The following VPS13A variants were observed in gnomAD, a reference collection of about 807,000 sequenced individuals.
VPS13A encodes the protein vacuolar protein sorting 13 homolog A, also known as intermembrane lipid transfer protein VPS13A.
Under a neutral mutation model 390.9 loss-of-function variants are expected in VPS13A, and 264 were observed. The ratio of observed to expected loss-of-function variants is 0.68; its 90% CI spans 0.61 to 0.75. VPS13A has a LOEUF of 0.75. Ranked by LOEUF, VPS13A falls within the 30% of genes least tolerant of loss-of-function variation. VPS13A has a pLI of 0.00. For synonymous variants in VPS13A, 1,231 were observed against 1,227.1 expected (o/e 1.00, Z -0.07); for missense variants, 3,409 against 3,733.9 (o/e 0.91, Z 2.27).
chr9:77,373,310 A>G (rs1052642864), intron 67 of VPS13A, among the ~76,000 whole-genome samples: 1 of 147,966 alleles, frequency 6.8e-6, no homozygotes, highest in South Asian at 2.3e-4. Context: ...GGAACAGAAC[A>G]GAGCCCTCAG....
At chr9:77,219,294 T>A (rs1456162671) in intron 10 of VPS13A, among the ~76,000 whole-genome samples, 1 of 152,200 alleles carries the variant, frequency 6.6e-6, no homozygotes, top group Non-Finnish European at 1.5e-5. Flanking sequence ...TATCAATGAT[T>A]AAAATAAAAG....
chr9:77,183,629 C>T (rs1824155909), intron 1 of VPS13A, among the ~76,000 whole-genome samples: 1 of 152,170 alleles, frequency 6.6e-6, no homozygotes, highest in Non-Finnish European at 1.5e-5. Flanking sequence ...TAATATGTCT[C>T]CTGGGGATGT....
chr9:77,250,055 G>C (rs1344267627), intron 20 of VPS13A, 42 bp from the exon 21 acceptor site: 1 of 1,604,300 alleles, frequency 6.2e-7, no homozygotes, highest in Non-Finnish European at 8.5e-7. Context: ...CTTACATTTT[G>C]AAGTATTTTG....
intron 50 of VPS13A, among the ~76,000 whole-genome samples, chr9:77,341,691 C>CTTTTTTTTTCTTTTTTTTTT: frequency 2.6e-5 from 1 of 37,822 alleles, no homozygotes; most frequent in Non-Finnish European, 4.6e-5. Flanking sequence ...GACATCTTTC[C>CTTTTTTTTTCTTTTTTTTTT]TTTTTTTTTT....
In VPS13A at chr9:77,356,808, G is replaced by A. The variant is rs1831809635; in HGVS notation, c.7747G>A (p.Glu2583Lys). The A allele has an allele frequency of 6.2e-7, 1 of 1,613,696 alleles. No individual in the cohort carries two copies. The highest frequency in any genetic ancestry group is 1.3e-5 in the African/African-American group (1 of 74,868). ...TGAGAAGTTAGAGAGAGAATTTAAG[G>A]AATATACTGAATCTTCTCCTTCAGA... ...HTEKLEREFK[E>K]YTESSPSEDK... Residue 2583 changes from glutamate to lysine, a missense_variant, in exon 55 of 72, where the codon GAA becomes AAA. Glu to Lys is a moderately conservative substitution (Grantham distance 56). Around this residue, in one of 5 missense-constraint regions of VPS13A, gnomAD observed 221 missense variants for 300.7 expected, o/e 0.73. Transcript: ENST00000360280.
At chr9:77,242,788 ACCAAACAGTAAATATC>A (rs1380419719) in intron 19 of VPS13A, among the ~76,000 whole-genome samples, 2 of 151,986 alleles carry the variant, frequency 1.3e-5, no homozygotes, top group Non-Finnish European at 2.9e-5. Context: ...TAAAAAAATT[ACCAAACAGTAAATATC>A]CACAATATAA....
intron 49 of VPS13A, 33 bp from the exon 50 acceptor site, chr9:77,340,371 A>G (rs765979566): frequency 5.5e-5 from 88 of 1,608,182 alleles, no homozygotes; most frequent in Non-Finnish European, 7.2e-5. Context: ...GTTATACATA[A>G]CAGTTTTTGA....
chr9:77,209,186 T>C (rs1825838655), intron 5 of VPS13A, among the ~76,000 whole-genome samples: 1 of 152,212 alleles, frequency 6.6e-6, no homozygotes, highest in Non-Finnish European at 1.5e-5. Flanking sequence ...ACAGAAATTA[T>C]AAAATTTAAT....
intron 67 of VPS13A, among the ~76,000 whole-genome samples, chr9:77,371,503 A>T (rs547740550): frequency 3.3e-5 from 5 of 152,250 alleles, no homozygotes; most frequent in South Asian, 4.2e-4. Context: ...ATGGGGGCAG[A>T]TCCTCATGGC....
chr9:77,319,036 A>T (rs1377769448), intron 41 of VPS13A, among the ~76,000 whole-genome samples: 3 of 151,974 alleles, frequency 2.0e-5, no homozygotes, highest in African/African-American at 7.2e-5. Context: ...TACTAAAAAT[A>T]CAAAAAATTA....
chr9:77,304,942 CTT>C (rs577555061), intron 34 of VPS13A, among the ~76,000 whole-genome samples: 22 of 141,674 alleles, frequency 1.6e-4, no homozygotes, highest in Non-Finnish European at 1.7e-4. Context: ...GACTTTTTTT[CTT>C]TTTTTTTTTT....
At chr9:77,392,033 C>T (rs1420034417) in intron 68 of VPS13A, among the ~76,000 whole-genome samples, 1 of 152,070 alleles carries the variant, frequency 6.6e-6, no homozygotes, top group African/African-American at 2.4e-5. Context: ...GGTGATGGGG[C>T]ATAAAACACA....
At chr9:77,382,448 T>G in intron 68 of VPS13A, 1 of 1,391,180 alleles carries the variant, frequency 7.2e-7, no homozygotes, top group South Asian at 1.9e-5. Context: ...GAATCTGGTT[T>G]TTTTATAGGG....
chr9:77,378,835 C>T (rs112327666), intron 67 of VPS13A, among the ~76,000 whole-genome samples: 2,170 of 151,944 alleles, frequency 0.014, 37 homozygotes, highest in African/African-American at 0.037. Context: ...CTATAAATTT[C>T]CCTCTGAGCA....
At position 77,370,318 on chromosome 9, in the gene VPS13A, T is replaced by C. The variant is rs941512536; in HGVS notation, c.8729T>C (p.Val2910Ala). The stretch of plus-strand genomic sequence containing the variant: ...ATGGCACTAGGACTTAAGGCACTAG[T>C]TGGTGGAGCTGTTGGTAAGAAACAG... Reference protein sequence around the residue: ...EGMALGLKALVGGAVGGLAGA... With the variant: ...EGMALGLKALAGGAVGGLAGA... The change falls in exon 64 of 72, where the codon GTT becomes GCT. Residue 2910 changes from valine (V) to alanine (A), a missense_variant. By Grantham distance (64) the Val-to-Ala change is moderately conservative. Coordinates refer to ENST00000360280, the MANE Select transcript of VPS13A (RefSeq NM_033305.3). 1.9e-6 allele frequency: 3 copies of C among 1,613,974 alleles called. No homozygotes were observed. Among genetic ancestry groups the C allele is most frequent in the Non-Finnish European group, 2.5e-6 (3 of 1,180,010 alleles).
intron 68 of VPS13A, among the ~76,000 whole-genome samples, chr9:77,396,332 T>G (rs749992246): frequency 3.3e-5 from 5 of 152,216 alleles, no homozygotes; most frequent in Non-Finnish European, 7.4e-5. Context: ...GCTGTCAGTA[T>G]AGCCTATACC....
chr9:77,318,929 CA>C (rs907152714), intron 41 of VPS13A, among the ~76,000 whole-genome samples: 1 of 151,920 alleles, frequency 6.6e-6, no homozygotes, highest in Non-Finnish European at 1.5e-5. Context: ...CCCAGTGGCT[CA>C]CCTGTAATCC....
At chr9:77,355,154 C>A (rs968655591) in intron 54 of VPS13A, among the ~76,000 whole-genome samples, 11 of 152,172 alleles carry the variant, frequency 7.2e-5, no homozygotes, top group African/African-American at 2.7e-4. Context: ...AGGAACTTAA[C>A]ATATCCTGTG....
chr9:77,381,363 GA>G (rs1833426999), intron 67 of VPS13A, among the ~76,000 whole-genome samples: 1 of 152,120 alleles, frequency 6.6e-6, no homozygotes, highest in Non-Finnish European at 1.5e-5. Context: ...AGCCCAGTAA[GA>G]ATGTGAGGAC....
Sources: allele counts gnomAD v4.1 joint callset (sites outside exome capture counted in the v4.1 genomes callset), GRCh38; gene constraint gnomAD v4.1.1; regional missense constraint gnomAD v4.1.1; transcripts MANE v1.5; gene names NCBI Gene and HGNC (gene_info 2026-07-23, HGNC 2026-07-21).